Variants in KAZN observed in about 807,000 individuals in gnomAD.
The protein encoded by KAZN is kazrin, periplakin interacting protein.
A neutral mutation model predicts 87.4 loss-of-function variants in KAZN; 40 were observed. The ratio of observed to expected loss-of-function variants is 0.46; its 90% CI spans 0.36 to 0.60. KAZN has a LOEUF of 0.60. Ranked by LOEUF, KAZN falls within the 20% of genes least tolerant of loss-of-function variation. The pLI is 0.00. For missense variants in KAZN, 898 were observed against 1,073.9 expected (o/e 0.84, Z 2.29); for synonymous variants, 466 against 458.3 (o/e 1.02, Z -0.22).
intron 1 of KAZN, among the ~76,000 whole-genome samples, chr1:14,636,292 T>C (rs1679979737): frequency 6.6e-6 from 1 of 152,208 alleles, no homozygotes; most frequent in Non-Finnish European, 1.5e-5. Context: ...TTCCTAATTG[T>C]AACTTTGAAA....
chr1:14,302,867 T>A (rs1392873202), intron 2 of KAZN, among the ~76,000 whole-genome samples: 1 of 152,118 alleles, frequency 6.6e-6, no homozygotes, highest in Non-Finnish European at 1.5e-5. Flanking sequence ...TTGAGCGACG[T>A]GAGTTGTAAG....
intron 10 of KAZN, among the ~76,000 whole-genome samples, chr1:15,098,810 C>A (rs940730117): frequency 6.6e-6 from 1 of 152,244 alleles, no homozygotes. Flanking sequence ...CCCGCTCACC[C>A]AGCACTGCTC....
intron 1 of KAZN, among the ~76,000 whole-genome samples, chr1:13,965,816 G>A (rs1176255498): frequency 6.6e-6 from 1 of 152,108 alleles, no homozygotes; most frequent in African/African-American, 2.4e-5. Flanking sequence ...GAATTACATT[G>A]TTTCCATGTC....
At position 13,910,802 on chromosome 1, in the gene KAZN, A is replaced by C. The variant is rs146997699; in HGVS notation, c.91+17046A>C. Among the ~76,000 whole-genome samples, 872 of 152,154 alleles carry C rather than the reference A, an allele frequency of 5.7e-3. 4 individuals carry two copies. Among genetic ancestry groups the C allele is most frequent in the African/African-American group, 0.02 (823 of 41,520 alleles). ...CCAGGTGCTTTCCCATAATAAGAAG[A>C]GATATGTAGGTGTGTTCGGCTGTTC... On this transcript the variant is annotated intron_variant, in intron 1 of 16. Coordinates refer to the KAZN transcript ENST00000636203.
At chr1:13,906,996 G>A (rs935262247) in intron 1 of KAZN, among the ~76,000 whole-genome samples, 3 of 152,210 alleles carry the variant, frequency 2.0e-5, no homozygotes, top group Non-Finnish European at 4.4e-5. Context: ...AATACCCAGT[G>A]TCTCCAGGTA....
At chr1:14,222,249 G>A (rs999243653) in intron 2 of KAZN, 4 of 152,174 alleles carry the variant, frequency 2.6e-5, no homozygotes, top group African/African-American at 9.6e-5. Context: ...TTATTCGTGG[G>A]GGATTAACCG....
Position 14,712,423 on chromosome 1 carries a change from G to T in KAZN, c.226+113200G>T, listed in dbSNP as rs564188310. ...CCCCAGGCCACTGAGATGCTGTGTG[G>T]GTTCAGGTTGATGCCAACAATGCCG... On this transcript the variant is annotated intron_variant, in intron 1 of 14. Coordinates refer to ENST00000376030, the MANE Select transcript of KAZN (RefSeq NM_201628.3). Among the ~76,000 whole-genome samples, 3 of 152,256 alleles carry T rather than the reference G, an allele frequency of 2.0e-5. No individual in the cohort carries two copies. The South Asian group carries it at 6.2e-4, about 32-fold the overall frequency.
intron 1 of KAZN, among the ~76,000 whole-genome samples, chr1:14,620,896 C>T (rs895380108): frequency 3.3e-5 from 5 of 152,192 alleles, no homozygotes; most frequent in African/African-American, 4.8e-5. Flanking sequence ...AACCTAATTT[C>T]CATGAAAGTG....
intron 2 of KAZN, among the ~76,000 whole-genome samples, chr1:14,448,866 C>T (rs1667120274): frequency 6.6e-6 from 1 of 152,198 alleles, no homozygotes; most frequent in African/African-American, 2.4e-5. Flanking sequence ...GACTGATGGG[C>T]AAGGTCATGC....
intron 1 of KAZN, among the ~76,000 whole-genome samples, chr1:14,101,860 A>C (rs546151308): frequency 9.2e-5 from 14 of 152,216 alleles, no homozygotes; most frequent in African/African-American, 1.7e-4. Context: ...CTTTTTTTCC[A>C]AATAGTGCAA....
chr1:14,623,738 G>C (rs910045893), intron 1 of KAZN, among the ~76,000 whole-genome samples: 2 of 151,938 alleles, frequency 1.3e-5, no homozygotes, highest in African/African-American at 4.8e-5. Flanking sequence ...TTGATACCTT[G>C]TATGTTCATT....
At chr1:14,579,083 A>G (rs773714883) in intron 2 of KAZN, among the ~76,000 whole-genome samples, 5 of 152,134 alleles carry the variant, frequency 3.3e-5, no homozygotes, top group Non-Finnish European at 7.4e-5. Flanking sequence ...ACAGAAGAGA[A>G]ACGTAGCACT....
rs369686124 is a variant in KAZN, at chr1:14,728,441, AG to A, written c.226+129219del. Among the ~76,000 whole-genome samples, 36 of 152,202 alleles carry A rather than the reference AG, an allele frequency of 2.4e-4. No individual in the cohort carries two copies. The East Asian group carries it at 5.6e-3, about 24-fold the overall frequency. The stretch of plus-strand genomic sequence containing the variant: ...ACCTGCCGCTCACCTCCTGCTGCCC[AG>A]TTCCTAAGAGGCCATGGGTTGGGGA... On this transcript the variant is annotated intron_variant, in intron 1 of 14. Transcript: ENST00000376030.
At chr1:14,378,348 T>C (rs555790729) in intron 2 of KAZN, among the ~76,000 whole-genome samples, 1 of 152,348 alleles carries the variant, frequency 6.6e-6, no homozygotes, top group Non-Finnish European at 1.5e-5. Context: ...GCAAGCTGGC[T>C]GAATAGAAGT....
intron 1 of KAZN, among the ~76,000 whole-genome samples, chr1:14,907,338 G>T (rs1656708619): frequency 6.6e-6 from 1 of 151,228 alleles, no homozygotes; most frequent in South Asian, 2.1e-4. Context: ...GGAGATGGAG[G>T]TTGCAGTGAG....
At chr1:14,727,721 C>G (rs1214929998) in intron 1 of KAZN, among the ~76,000 whole-genome samples, 1 of 151,672 alleles carries the variant, frequency 6.6e-6, no homozygotes, top group Non-Finnish European at 1.5e-5. Flanking sequence ...CCACCACGGC[C>G]TCCCTAAGTG....
intron 4 of KAZN, among the ~76,000 whole-genome samples, chr1:15,054,300 G>A (rs547433629): frequency 6.6e-6 from 1 of 152,208 alleles, no homozygotes; most frequent in African/African-American, 2.4e-5. Context: ...AAACCTCAGT[G>A]CAGGGGACCC....
intron 2 of KAZN, among the ~76,000 whole-genome samples, chr1:14,413,115 TAATC>T (rs1476250085): frequency 1.3e-5 from 2 of 150,484 alleles, no homozygotes; most frequent in Non-Finnish European, 3.0e-5. Flanking sequence ...TATATGAACT[TAATC>T]TATGATAGTA....
chr1:15,013,150 T>C (rs1669745205), intron 2 of KAZN, among the ~76,000 whole-genome samples: 1 of 152,150 alleles, frequency 6.6e-6, no homozygotes, highest in African/African-American at 2.4e-5. Context: ...TCCTGTAGAC[T>C]CCTCTGCCTT....
Sources: gnomAD v4.1 joint callset for allele counts (sites outside exome capture counted in the v4.1 genomes callset) on GRCh38, gnomAD v4.1.1 for gene constraint, MANE v1.5 for transcripts, NCBI Gene and HGNC (gene_info 2026-07-23, HGNC 2026-07-21) for gene names.